Variants in ARL15 observed in about 807,000 individuals in gnomAD.
ARL15 encodes ADP-ribosylation factor-like protein 15.
In ARL15, 19 loss-of-function variants were observed where a neutral mutation model predicts 25.2. That is an observed-to-expected ratio of 0.75 (90% confidence interval 0.53 to 1.10). The LOEUF (loss-of-function observed/expected upper bound fraction) is 1.10. Among genes scored for constraint, ARL15 ranks in the 50% least tolerant of loss-of-function variants. The pLI, the probability that ARL15 is intolerant of heterozygous loss-of-function variation, is 0.00. For missense variants in ARL15, 220 were observed against 246.0 expected (o/e 0.89, Z 0.71); for synonymous variants, 94 against 86.8 (o/e 1.08, Z -0.46).
chr5:54,120,713 T>C (rs1249414772), intron 3 of ARL15, among the ~76,000 whole-genome samples: 1 of 152,138 alleles, frequency 6.6e-6, no homozygotes, highest in Non-Finnish European at 1.5e-5. Context: ...CAAAACACTT[T>C]TGTGGTATTC....
At chr5:54,179,219 A>AGAGATAAGAAAATGTACCC (rs1456044377) in intron 1 of ARL15, among the ~76,000 whole-genome samples, 1 of 152,114 alleles carries the variant, frequency 6.6e-6, no homozygotes, top group East Asian at 1.9e-4. Flanking sequence ...AGGGCAACAA[A>AGAGATAAGAAAATGTACCC]GAGATAAGAA....
At chr5:53,933,180 C>G (rs568053951) in intron 4 of ARL15, among the ~76,000 whole-genome samples, 8 of 152,106 alleles carry the variant, frequency 5.3e-5, no homozygotes, top group Non-Finnish European at 1.2e-4. Flanking sequence ...TTCATGCTCT[C>G]CAAGAATCTT....
At chr5:54,071,252 A>G (rs1751409281) in intron 4 of ARL15, among the ~76,000 whole-genome samples, 1 of 152,176 alleles carries the variant, frequency 6.6e-6, no homozygotes, top group Non-Finnish European at 1.5e-5. Flanking sequence ...CAAGTGGACT[A>G]AGTATGATTA....
intron 1 of ARL15, among the ~76,000 whole-genome samples, chr5:54,257,579 G>C (rs1286525653): frequency 4.6e-5 from 7 of 152,340 alleles, no homozygotes; most frequent in African/African-American, 1.7e-4. Flanking sequence ...TGACCATGTG[G>C]AATGTGGAGC....
chr5:53,899,804 A>G (rs1233716108), intron 4 of ARL15, among the ~76,000 whole-genome samples: 1 of 152,222 alleles, frequency 6.6e-6, no homozygotes, highest in Non-Finnish European at 1.5e-5. Flanking sequence ...ACATATTCCA[A>G]GTTACGACAA....
chr5:54,194,161 CT>C (rs1755487222), intron 1 of ARL15, among the ~76,000 whole-genome samples: 1 of 152,050 alleles, frequency 6.6e-6, no homozygotes, highest in African/African-American at 2.4e-5. Context: ...CATAATTTAG[CT>C]CTATATTGTC....
intron 3 of ARL15, among the ~76,000 whole-genome samples, chr5:54,140,339 C>T (rs1383442620): frequency 6.6e-6 from 1 of 151,470 alleles, no homozygotes; most frequent in Non-Finnish European, 1.5e-5. Flanking sequence ...GGTAATCCCA[C>T]TACCAGCTCT....
At chr5:54,001,209 A>G (rs1048553997) in intron 4 of ARL15, among the ~76,000 whole-genome samples, 16 of 152,148 alleles carry the variant, frequency 1.1e-4, no homozygotes, top group African/African-American at 3.6e-4. Flanking sequence ...AGACTCAGTA[A>G]TCCACCCTCC....
chr5:54,274,649 A>T (rs1403338134), intron 1 of ARL15, among the ~76,000 whole-genome samples: 1 of 152,206 alleles, frequency 6.6e-6, no homozygotes, highest in Non-Finnish European at 1.5e-5. Context: ...CTGTAATCCC[A>T]GCACTTTGGG....
chr5:53,971,444 G>A (rs1202870601), intron 4 of ARL15, among the ~76,000 whole-genome samples: 1 of 152,096 alleles, frequency 6.6e-6, no homozygotes, highest in Non-Finnish European at 1.5e-5. Context: ...GACAACAAAA[G>A]CATTTAAAGA....
At chr5:54,093,804 A>G (rs188685848) in intron 4 of ARL15, among the ~76,000 whole-genome samples, 1 of 152,268 alleles carries the variant, frequency 6.6e-6, no homozygotes, top group African/African-American at 2.4e-5. Flanking sequence ...CTTAAATACC[A>G]TTATCATACA....
intron 1 of ARL15, among the ~76,000 whole-genome samples, chr5:54,199,331 A>C (rs564840460): frequency 6.6e-6 from 1 of 151,890 alleles, no homozygotes; most frequent in Admixed American, 6.6e-5. Context: ...TCTGCACAGC[A>C]AAAGAAACTA....
intron 4 of ARL15, among the ~76,000 whole-genome samples, chr5:53,910,389 C>T (rs1186668855): frequency 6.6e-6 from 1 of 151,978 alleles, no homozygotes; most frequent in Non-Finnish European, 1.5e-5. Flanking sequence ...ACTAGGGTCT[C>T]AACATTACTT....
chr5:54,167,067 T>A (rs778947877), intron 2 of ARL15, among the ~76,000 whole-genome samples: 1 of 152,186 alleles, frequency 6.6e-6, no homozygotes, highest in East Asian at 1.9e-4. Context: ...CTCTACCCAG[T>A]TCCTTGTGAG....
At chr5:54,032,013 G>A (rs887981297) in intron 4 of ARL15, among the ~76,000 whole-genome samples, 3 of 152,170 alleles carry the variant, frequency 2.0e-5, no homozygotes, top group Non-Finnish European at 4.4e-5. Flanking sequence ...GATTAAGGTA[G>A]AGCAGCCTTT....
At position 53,920,373 on chromosome 5, in the gene ARL15, G is replaced by A. The variant is rs369366505; in HGVS notation, c.463-33660C>T. On this transcript the variant is annotated intron_variant, in intron 4 of 4. Transcript: ENST00000504924. ...GTTGCCTTTCATAATATATGTTCTT[G>A]TCATTTTGTTAAAAAATGGCTCTTC... 9.9e-5 allele frequency among the ~76,000 whole-genome samples: 15 copies of A among 152,072 alleles called. No homozygotes were observed. In the South Asian group the frequency reaches 3.1e-3, roughly 32 times the overall value.
chr5:54,133,398 A>G (rs1456989120), intron 3 of ARL15, among the ~76,000 whole-genome samples: 3 of 152,212 alleles, frequency 2.0e-5, no homozygotes, highest in Non-Finnish European at 4.4e-5. Context: ...AGGAGGGTAG[A>G]TCAGCAATCA....
intron 1 of ARL15, among the ~76,000 whole-genome samples, chr5:54,299,111 A>G (rs1194721340): frequency 6.6e-6 from 1 of 152,048 alleles, no homozygotes; most frequent in African/African-American, 2.4e-5. Flanking sequence ...TATGTTGCCC[A>G]GTCTAGTCTC....
intron 1 of ARL15, among the ~76,000 whole-genome samples, chr5:54,202,559 T>C (rs968927318): frequency 1.3e-5 from 2 of 152,138 alleles, no homozygotes; most frequent in African/African-American, 4.8e-5. Context: ...CTGGCTGACA[T>C]CTTAGTTTCA....
Sources: allele counts gnomAD v4.1 joint callset (sites outside exome capture counted in the v4.1 genomes callset), GRCh38; gene constraint gnomAD v4.1.1; transcripts MANE v1.5; gene names NCBI Gene and HGNC (gene_info 2026-07-23, HGNC 2026-07-21).